The following GLIS3 variants were observed in gnomAD, a reference collection of about 807,000 sequenced individuals.
GLIS3 encodes the protein zinc finger protein GLIS3.
A neutral mutation model predicts 78.6 loss-of-function variants in GLIS3; 53 were observed. The observed-to-expected ratio is 0.67, with a 90% CI of 0.54 to 0.85. The LOEUF (loss-of-function observed/expected upper bound fraction) is 0.85, where lower values mean the gene tolerates loss of function less well. Among genes scored for constraint, GLIS3 ranks in the 40% least tolerant of loss-of-function variants. The pLI is 0.00. For synonymous variants in GLIS3, 684 were observed against 509.9 expected (o/e 1.34, Z -4.60); for missense variants, 1,703 against 1,231.1 (o/e 1.38, Z -5.74).
chr9:4,149,373 C>A (rs974658151), intron 2 of GLIS3, among the ~76,000 whole-genome samples: 1 of 152,152 alleles, frequency 6.6e-6, no homozygotes, highest in Admixed American at 6.5e-5. Flanking sequence ...TAGCCCAACT[C>A]AAAAAACACA....
At chr9:4,437,001 T>G in the GLIS3 span, among the ~76,000 whole-genome samples, 1 of 151,664 alleles carries the variant, frequency 6.6e-6, no homozygotes, top group East Asian at 1.9e-4. Context: ...AGAGCTGCAG[T>G]AGAAGTATAG....
At chr9:4,267,647 C>T (rs1826134909) in intron 2 of GLIS3, among the ~76,000 whole-genome samples, 1 of 152,180 alleles carries the variant, frequency 6.6e-6, no homozygotes, top group South Asian at 2.1e-4. Flanking sequence ...AATCAGGTTT[C>T]CTCACTAGCT....
chr9:4,361,355 G>A, the GLIS3 span, among the ~76,000 whole-genome samples: 2 of 152,144 alleles, frequency 1.3e-5, no homozygotes, highest in African/African-American at 4.8e-5. Context: ...TCTTGCAATT[G>A]CATTAAAGTT....
chr9:3,905,002 T>G (rs1823564184), intron 6 of GLIS3, among the ~76,000 whole-genome samples: 1 of 151,384 alleles, frequency 6.6e-6, no homozygotes, highest in Admixed American at 6.6e-5. Context: ...AGACGGAGTC[T>G]TGCTCTGTCT....
At chr9:4,150,469 C>G (rs562172410) in intron 2 of GLIS3, among the ~76,000 whole-genome samples, 1 of 152,304 alleles carries the variant, frequency 6.6e-6, no homozygotes, top group African/African-American at 2.4e-5. Context: ...CAAGCTCAGC[C>G]AAATCACCAC....
At chr9:4,128,678 A>G (rs1194398006) in intron 2 of GLIS3, among the ~76,000 whole-genome samples, 2 of 152,206 alleles carry the variant, frequency 1.3e-5, no homozygotes, top group African/African-American at 4.8e-5. Context: ...TGAATGGAAT[A>G]TGAAGTCAGT....
the GLIS3 span, among the ~76,000 whole-genome samples, chr9:4,406,298 G>T: frequency 1.3e-5 from 2 of 152,208 alleles, no homozygotes; most frequent in Non-Finnish European, 2.9e-5. Context: ...CTTGTTTGCA[G>T]ATGAGCAGAT....
chr9:4,123,282 T>C (rs1365529831), intron 3 of GLIS3, among the ~76,000 whole-genome samples: 3 of 152,174 alleles, frequency 2.0e-5, no homozygotes, highest in Admixed American at 1.3e-4. Context: ...TAGTAATGAA[T>C]GGTGTATTAG....
intron 4 of GLIS3, among the ~76,000 whole-genome samples, chr9:4,065,798 G>C (rs949803456): frequency 6.6e-6 from 1 of 152,040 alleles, no homozygotes; most frequent in South Asian, 2.1e-4. Flanking sequence ...AAATTACATG[G>C]TTAAAGCATA....
the GLIS3 span, among the ~76,000 whole-genome samples, chr9:4,385,842 C>T: frequency 6.6e-6 from 1 of 150,474 alleles, no homozygotes; most frequent in South Asian, 2.1e-4. Flanking sequence ...AGAAAAAATG[C>T]CGTTCTTTTT....
chr9:4,189,762 C>T (rs995666648), intron 2 of GLIS3, among the ~76,000 whole-genome samples: 2 of 152,110 alleles, frequency 1.3e-5, no homozygotes, highest in Admixed American at 6.5e-5. Context: ...CCTTCTTTGT[C>T]TCTTTTGATC....
At chr9:4,162,726 A>G (rs1046111081) in intron 2 of GLIS3, among the ~76,000 whole-genome samples, 7 of 151,942 alleles carry the variant, frequency 4.6e-5, no homozygotes, top group Non-Finnish European at 7.4e-5. Flanking sequence ...GCATAGTGGC[A>G]CACACCTGTA....
intron 2 of GLIS3, among the ~76,000 whole-genome samples, chr9:4,312,772 G>T (rs1296003317): frequency 6.6e-6 from 1 of 152,242 alleles, no homozygotes; most frequent in South Asian, 2.1e-4. Context: ...GGGTATGCCA[G>T]CCCTGAGGGC....
intron 2 of GLIS3, among the ~76,000 whole-genome samples, chr9:4,227,971 C>T (rs751658313): frequency 6.6e-6 from 1 of 152,078 alleles, no homozygotes; most frequent in Non-Finnish European, 1.5e-5. Flanking sequence ...TTGTTGGGAT[C>T]AGTACATGTC....
At chr9:4,201,591 C>A (rs1170078174) in intron 2 of GLIS3, among the ~76,000 whole-genome samples, 3 of 152,028 alleles carry the variant, frequency 2.0e-5, no homozygotes, top group African/African-American at 7.2e-5. Context: ...ACAATAGCCA[C>A]ACAAAGAATA....
chr9:4,090,143 A>G (rs1456299689), intron 4 of GLIS3, among the ~76,000 whole-genome samples: 2 of 152,044 alleles, frequency 1.3e-5, no homozygotes, highest in Admixed American at 1.3e-4. Context: ...CCTAAAACCC[A>G]TTTTAGGCAG....
chr9:3,863,383 A>G (rs1363809412), intron 8 of GLIS3, among the ~76,000 whole-genome samples: 1 of 152,244 alleles, frequency 6.6e-6, no homozygotes, highest in Non-Finnish European at 1.5e-5. Flanking sequence ...CTTTCAGTAA[A>G]GAAGAAACAG....
At chr9:4,423,814 T>G in the GLIS3 span, among the ~76,000 whole-genome samples, 2 of 152,202 alleles carry the variant, frequency 1.3e-5, no homozygotes, top group Non-Finnish European at 2.9e-5. Flanking sequence ...GTTCATAACA[T>G]TCACACAAAC....
At chr9:4,275,913 A>T (rs1826939149) in intron 2 of GLIS3, among the ~76,000 whole-genome samples, 1 of 152,208 alleles carries the variant, frequency 6.6e-6, no homozygotes, top group Non-Finnish European at 1.5e-5. Context: ...ATCACATGAG[A>T]TAATCAATAT....
Sources: gnomAD v4.1 joint callset for allele counts (sites outside exome capture counted in the v4.1 genomes callset) on GRCh38, gnomAD v4.1.1 for gene constraint, MANE v1.5 for transcripts, NCBI Gene and HGNC (gene_info 2026-07-23, HGNC 2026-07-21) for gene names.